TMEM117: variants seen among roughly 807,000 people sequenced by gnomAD.
The protein encoded by TMEM117 is transmembrane protein 117.
In TMEM117, 27 loss-of-function variants were observed where a neutral mutation model predicts 52.4. That is an observed-to-expected ratio of 0.51 (90% confidence interval 0.38 to 0.71). TMEM117 has a LOEUF of 0.71. Among genes scored for constraint, TMEM117 ranks in the 30% least tolerant of loss-of-function variants. TMEM117 has a pLI of 0.00. For synonymous variants in TMEM117, 215 were observed against 206.3 expected (o/e 1.04, Z -0.36); for missense variants, 556 against 630.5 (o/e 0.88, Z 1.26).
intron 3 of TMEM117, among the ~76,000 whole-genome samples, chr12:44,090,715 C>G (rs1422788927): frequency 1.3e-5 from 2 of 152,068 alleles, no homozygotes; most frequent in Non-Finnish European, 2.9e-5. Context: ...GCTGGGACTA[C>G]AGGCATGAGC....
intron 3 of TMEM117, among the ~76,000 whole-genome samples, chr12:44,014,036 A>T (rs1371190721): frequency 6.6e-6 from 1 of 152,040 alleles, no homozygotes; most frequent in Non-Finnish European, 1.5e-5. Context: ...AACAATAGAC[A>T]CCTCAGATAC....
At chr12:43,927,222 T>C (rs929798892) in intron 2 of TMEM117, among the ~76,000 whole-genome samples, 25 of 152,154 alleles carry the variant, frequency 1.6e-4, no homozygotes, top group Admixed American at 1.3e-3. Context: ...AACATTTTGT[T>C]ACTAATTTCT....
At chr12:44,090,104 A>G (rs905155913) in intron 3 of TMEM117, among the ~76,000 whole-genome samples, 3 of 152,304 alleles carry the variant, frequency 2.0e-5, no homozygotes, top group South Asian at 4.1e-4. Flanking sequence ...CCACACATCA[A>G]TTCTGATACA....
the TMEM117 span, chr12:43,805,718 G>T: frequency 1.9e-6 from 2 of 1,043,078 alleles, no homozygotes; most frequent in Non-Finnish European, 1.3e-6. Context: ...GAGAGAAAAT[G>T]CGGGAGAGTT....
intron 3 of TMEM117, among the ~76,000 whole-genome samples, chr12:44,139,370 G>A (rs997791269): frequency 2.6e-5 from 4 of 151,906 alleles, no homozygotes; most frequent in Non-Finnish European, 4.4e-5. Flanking sequence ...TGACTATTTT[G>A]CTCATGTTAG....
intron 5 of TMEM117, among the ~76,000 whole-genome samples, chr12:44,268,505 C>A (rs1460192107): frequency 1.3e-5 from 2 of 151,846 alleles, no homozygotes; most frequent in Admixed American, 6.6e-5. Flanking sequence ...AGAAATACTA[C>A]ATATGTATGA....
intron 5 of TMEM117, among the ~76,000 whole-genome samples, chr12:44,232,639 T>C (rs532394493): frequency 6.6e-6 from 1 of 151,490 alleles, no homozygotes; most frequent in African/African-American, 2.4e-5. Context: ...CACAATAAAA[T>C]TGGAATTTCG....
At chr12:44,191,838 A>G (rs1328929830) in intron 4 of TMEM117, among the ~76,000 whole-genome samples, 1 of 152,154 alleles carries the variant, frequency 6.6e-6, no homozygotes, top group Non-Finnish European at 1.5e-5. Context: ...TTGAACTACT[A>G]CATTTTTTTC....
At chr12:44,075,300 T>G (rs1947364497) in intron 3 of TMEM117, among the ~76,000 whole-genome samples, 1 of 152,252 alleles carries the variant, frequency 6.6e-6, no homozygotes, top group Non-Finnish European at 1.5e-5. Context: ...AAATCCTGAT[T>G]CAGGCATGCA....
chr12:44,175,349 C>T (rs1017955709), intron 4 of TMEM117, among the ~76,000 whole-genome samples: 2 of 151,966 alleles, frequency 1.3e-5, no homozygotes, highest in African/African-American at 4.8e-5. Context: ...AAGGATGACC[C>T]CAGGCTTATG....
At chr12:43,984,469 A>G (rs1252309036) in intron 3 of TMEM117, among the ~76,000 whole-genome samples, 1 of 152,168 alleles carries the variant, frequency 6.6e-6, no homozygotes, top group Admixed American at 6.5e-5. Flanking sequence ...ACTATATTAC[A>G]TTGAGATAGT....
At chr12:44,295,394 A>G (rs994966487) in intron 5 of TMEM117, among the ~76,000 whole-genome samples, 33 of 152,110 alleles carry the variant, frequency 2.2e-4, no homozygotes, top group African/African-American at 7.9e-4. Flanking sequence ...TTTTTTTAAG[A>G]GACAGGGTTT....
At chr12:44,023,933 T>C (rs938939350) in intron 3 of TMEM117, among the ~76,000 whole-genome samples, 5 of 151,838 alleles carry the variant, frequency 3.3e-5, no homozygotes, top group Admixed American at 2.6e-4. Flanking sequence ...CTGCACATTG[T>C]GCACATGTTC....
intron 3 of TMEM117, among the ~76,000 whole-genome samples, chr12:43,961,271 T>C: frequency 1.3e-5 from 1 of 78,280 alleles, no homozygotes; most frequent in East Asian, 3.9e-4. Context: ...TTAATTGCTG[T>C]AATTAAAAAC....
chr12:44,203,667 T>C (rs1453355222), intron 4 of TMEM117, among the ~76,000 whole-genome samples: 2 of 152,204 alleles, frequency 1.3e-5, no homozygotes, highest in Non-Finnish European at 2.9e-5. Flanking sequence ...TTCATTTGTT[T>C]CATAGAACTT....
intron 6 of TMEM117, among the ~76,000 whole-genome samples, chr12:44,329,422 A>G (rs1951237953): frequency 6.6e-6 from 1 of 152,112 alleles, no homozygotes; most frequent in Non-Finnish European, 1.5e-5. Context: ...TAGTCTTCAG[A>G]AAGATGTACA....
chr12:44,346,014 C>A (rs1951481770), intron 6 of TMEM117, among the ~76,000 whole-genome samples: 1 of 152,090 alleles, frequency 6.6e-6, no homozygotes, highest in Non-Finnish European at 1.5e-5. Flanking sequence ...AAATTGTGAT[C>A]TGTTAAACTA....
At chr12:43,831,573 T>C (rs1565710452), upstream of TMEM117, among the ~76,000 whole-genome samples, 1 of 150,352 alleles carries the variant, frequency 6.7e-6, no homozygotes, top group Non-Finnish European at 1.5e-5. Flanking sequence ...AGACCAAGTC[T>C]CACTCTGTCA....
chr12:44,293,825 A>G (rs1367023933), intron 5 of TMEM117, among the ~76,000 whole-genome samples: 1 of 152,182 alleles, frequency 6.6e-6, no homozygotes, highest in African/African-American at 2.4e-5. Context: ...TCTAAAGTTA[A>G]CAAGTGGTTT....
Sources: allele counts gnomAD v4.1 joint callset (sites outside exome capture counted in the v4.1 genomes callset), GRCh38; gene constraint gnomAD v4.1.1; transcripts MANE v1.5; gene names NCBI Gene and HGNC (gene_info 2026-07-23, HGNC 2026-07-21).